BPTF: variants seen among roughly 807,000 people sequenced by gnomAD.
The protein encoded by BPTF is bromodomain PHD finger transcription factor, also known as nucleosome-remodeling factor subunit BPTF.
BPTF carries 18 observed loss-of-function variants against 292.5 expected under a neutral mutation model. That is an observed-to-expected ratio of 0.06 (90% CI 0.04 to 0.09). The LOEUF (loss-of-function observed/expected upper bound fraction) is 0.09. BPTF is among the 10% of genes least tolerant of loss of function. BPTF has a pLI of 1.00. For missense variants in BPTF, 2,726 were observed against 3,498.7 expected (o/e 0.78, Z 5.57); for synonymous variants, 1,225 against 1,251.9 (o/e 0.98, Z 0.45).
Position 67,825,935 on chromosome 17 carries a change from A to C in BPTF, c.211A>C (p.Ser71Arg), listed in dbSNP as rs2055956220. ...KTRLSSPRGG[S>R]SSRRKPPPPP... Reference sequence around the variant, plus strand: ...GCGGCTGAGCTCGCCCAGGGGGGGCAGCAGTAGCCGGAGGAAGCCGCCGCC... The same window carrying C: ...GCGGCTGAGCTCGCCCAGGGGGGGCCGCAGTAGCCGGAGGAAGCCGCCGCC... The change falls in exon 1 of 28, where the codon AGC becomes CGC. Residue 71 changes from serine to arginine, a missense_variant. This residue lies in a region of BPTF where 103 missense variants were observed against 72.1 expected (regional missense o/e 1.43). Coordinates refer to ENST00000306378, the MANE Select transcript of BPTF (RefSeq NM_182641.4). 1 of 1,012,076 alleles carries C rather than the reference A, an allele frequency of 9.9e-7. No homozygotes were observed. Among genetic ancestry groups the C allele is most frequent in the Non-Finnish European group, 1.2e-6 (1 of 849,480 alleles). 62.7% of individuals were successfully genotyped at this position (1,012,076 alleles called of 1,614,324 possible). A position where few individuals can be genotyped will look rare whatever the true frequency, so the allele number is the denominator to read the frequency against.
intron 24 of BPTF, among the ~76,000 whole-genome samples, chr17:67,961,743 G>A (rs1300613500): frequency 6.6e-6 from 1 of 152,108 alleles, no homozygotes; most frequent in African/African-American, 2.4e-5. Context: ...GGAGGCCGAG[G>A]TGGACGGATC....
In BPTF at chr17:67,910,966, G is replaced by A; in HGVS notation, c.3082G>A (p.Val1028Ile). Reference protein sequence around the residue: ...VDDDMKTESHVNCQESSQVDV... With the variant: ...VDDDMKTESHINCQESSQVDV... ...CGATGACATGAAAACAGAGTCACAT[G>A]TAAATTGTCAGGAGAGTTCTCAAGT... Residue 1028 changes from valine (V) to isoleucine (I), a missense_variant, in exon 11 of 28, where the codon GTA (valine) becomes ATA (isoleucine). By Grantham distance (29) the Val-to-Ile change is conservative. Around this residue, in one of 22 missense-constraint regions of BPTF, gnomAD observed 713 missense variants for 714.9 expected, o/e 1.00. Coordinates refer to ENST00000306378, the MANE Select transcript of BPTF (RefSeq NM_182641.4). 6.2e-7 allele frequency: 1 copy of A among 1,614,116 alleles called. No homozygotes were observed. Among genetic ancestry groups the A allele is most frequent in the African/African-American group, 1.3e-5 (1 of 75,038 alleles).
chr17:67,885,917 A>C (rs532405872), intron 4 of BPTF, among the ~76,000 whole-genome samples: 8 of 152,156 alleles, frequency 5.3e-5, no homozygotes, highest in East Asian at 1.9e-4. Context: ...TCACCCCCCC[A>C]AAAAAAGTCA....
chr17:67,885,169 A>G (rs2060669620), intron 4 of BPTF, among the ~76,000 whole-genome samples: 1 of 152,210 alleles, frequency 6.6e-6, no homozygotes, highest in Admixed American at 6.5e-5. Context: ...ACAAAGGCAG[A>G]GGGAGACTTT....
intron 11 of BPTF, among the ~76,000 whole-genome samples, chr17:67,914,739 G>A (rs893529868): frequency 1.3e-5 from 2 of 152,174 alleles, no homozygotes; most frequent in Non-Finnish European, 2.9e-5. Flanking sequence ...TCCCAATCAA[G>A]TGTTGCTCGG....
Position 67,893,392 on chromosome 17 carries a change from G to T in BPTF, c.2078G>T (p.Gly693Val), listed in dbSNP as rs750733750. ...CAGGTACTGGTAGTTAACTCTCAAGGAGAAATTTCACGGTTGAGCACCAAA... is the reference window on the plus strand; with the variant it reads ...CAGGTACTGGTAGTTAACTCTCAAGTAGAAATTTCACGGTTGAGCACCAAA... ...GKEVLVVNSQ[G>V]EISRLSTKKE... The change falls in exon 6 of 28, where the codon GGA becomes GTA. Residue 693 changes from glycine (G) to valine (V), a missense_variant. Around this residue, in one of 22 missense-constraint regions of BPTF, gnomAD observed 63 missense variants for 84.1 expected, o/e 0.75. Transcript: ENST00000306378. The T allele has an allele frequency of 6.2e-7, 1 of 1,613,984 alleles. No individual in the cohort carries two copies. The highest frequency in any genetic ancestry group is 8.5e-7 in the Non-Finnish European group (1 of 1,179,950).
chr17:67,936,559 A>T (rs559420657), intron 18 of BPTF: 3 of 152,272 alleles, frequency 2.0e-5, no homozygotes, highest in Admixed American at 2.0e-4. Flanking sequence ...GTAGTTTCCA[A>T]ACCACTCTCT....
intron 17 of BPTF, among the ~76,000 whole-genome samples, chr17:67,931,608 C>G (rs1353396944): frequency 1.3e-5 from 2 of 152,202 alleles, no homozygotes; most frequent in African/African-American, 4.8e-5. Context: ...CCACATTTTC[C>G]TGTGAGCACT....
chr17:67,852,070 A>G (rs1363983163), intron 1 of BPTF, among the ~76,000 whole-genome samples: 1 of 152,084 alleles, frequency 6.6e-6, no homozygotes, highest in Admixed American at 6.6e-5. Flanking sequence ...GCTAATACTA[A>G]TGATTGACAG....
chr17:67,973,078 A>AATAT (rs529205249), intron 26 of BPTF, among the ~76,000 whole-genome samples: 44 of 144,630 alleles, frequency 3.0e-4, no homozygotes, highest in East Asian at 1.2e-3. Flanking sequence ...ATATATATAT[A>AATAT]ATATATATAT....
chr17:67,877,636 TGA>T (rs920626171), intron 4 of BPTF, among the ~76,000 whole-genome samples: 5 of 108,662 alleles, frequency 4.6e-5, no homozygotes, highest in African/African-American at 9.9e-5. Flanking sequence ...AGTTTTTTTT[TGA>T]GAGAGAGTCT....
At chr17:67,833,669 A>G (rs1205285297) in intron 1 of BPTF, among the ~76,000 whole-genome samples, 1 of 151,656 alleles carries the variant, frequency 6.6e-6, no homozygotes, top group Non-Finnish European at 1.5e-5. Flanking sequence ...TCTGGGTTCA[A>G]GTGATTCTCC....
chr17:67,949,707 G>GTA (rs1555677438), intron 23 of BPTF, among the ~76,000 whole-genome samples: 6 of 149,820 alleles, frequency 4.0e-5, no homozygotes, highest in Non-Finnish European at 7.4e-5. Flanking sequence ...ATACACACAT[G>GTA]TATATATATA....
chr17:67,853,895 GATGTA>G lies in BPTF; in HGVS notation c.614-39_614-35del, dbSNP rs773241506. 5 of 1,445,924 alleles carry G rather than the reference GATGTA, an allele frequency of 3.5e-6. No homozygotes were observed. The African/African-American group carries it at 5.7e-5, about 16-fold the overall frequency. The allele number at this position is 1,445,924 out of a possible 1,614,324, so 89.6% of individuals were successfully genotyped here. ...GTTCAAATAGGAAATTTGTAGAAATGATGTAATGTATTGATTTGTAATGATGTCAC... is the reference window on the plus strand; with the variant it reads ...GTTCAAATAGGAAATTTGTAGAAATGATGTATTGATTTGTAATGATGTCAC... On this transcript the variant is annotated intron_variant, in intron 1 of 27. Transcript: ENST00000306378.
intron 23 of BPTF, 127 bp downstream of exon 23, chr17:67,948,433 G>A: frequency 3.4e-6 from 3 of 894,252 alleles, no homozygotes; most frequent in Non-Finnish European, 5.0e-6. Flanking sequence ...TGTGTACATA[G>A]AGTAAAAAGC....
At chr17:67,882,273 G>T (rs2060474486) in intron 4 of BPTF, among the ~76,000 whole-genome samples, 1 of 152,134 alleles carries the variant, frequency 6.6e-6, no homozygotes, top group Non-Finnish European at 1.5e-5. Flanking sequence ...CCACAGTCTA[G>T]ACTCAGGGAT....
chr17:67,876,515 C>G (rs1205993372), intron 4 of BPTF, among the ~76,000 whole-genome samples: 1 of 152,146 alleles, frequency 6.6e-6, no homozygotes, highest in African/African-American at 2.4e-5. Context: ...TCATTAAGAT[C>G]AAGAACAGGG....
chr17:67,883,567 G>A (rs539478191), intron 4 of BPTF, among the ~76,000 whole-genome samples: 1 of 151,966 alleles, frequency 6.6e-6, no homozygotes, highest in Admixed American at 6.6e-5. Flanking sequence ...TTGGTTTTTG[G>A]TTATTCTTGA....
chr17:67,886,155 G>T (rs781630841), intron 4 of BPTF: 2 of 1,606,046 alleles, frequency 1.2e-6, no homozygotes, highest in Non-Finnish European at 8.5e-7. Context: ...TGTGAGAGCA[G>T]TAACACTAGT....
Sources: allele counts gnomAD v4.1 joint callset (sites outside exome capture counted in the v4.1 genomes callset), GRCh38; gene constraint gnomAD v4.1.1; regional missense constraint gnomAD v4.1.1; transcripts MANE v1.5; gene names NCBI Gene and HGNC (gene_info 2026-07-23, HGNC 2026-07-21).